Variants in GFRA1 observed in about 807,000 individuals in gnomAD.
GFRA1 encodes GDNF family receptor alpha 1.
In GFRA1, 16 loss-of-function variants were observed where a neutral mutation model predicts 51.6. That is an observed-to-expected ratio of 0.31 (90% CI 0.21 to 0.47). The LOEUF (loss-of-function observed/expected upper bound fraction) is 0.47, where lower values mean the gene tolerates loss of function less well. Among genes scored for constraint, GFRA1 ranks in the 20% least tolerant of loss-of-function variants. The pLI is 1.00. For synonymous variants in GFRA1, 270 were observed against 241.3 expected (o/e 1.12, Z -1.10); for missense variants, 530 against 594.3 (o/e 0.89, Z 1.13).
intron 5 of GFRA1, among the ~76,000 whole-genome samples, chr10:116,143,588 T>A (rs1318699949): frequency 1.3e-5 from 2 of 152,180 alleles, no homozygotes; most frequent in African/African-American, 4.8e-5. Context: ...GCTACCTGAA[T>A]GTTATTTAGA....
intron 5 of GFRA1, among the ~76,000 whole-genome samples, chr10:116,140,404 C>T (rs1163989970): frequency 6.6e-6 from 1 of 152,154 alleles, no homozygotes; most frequent in Non-Finnish European, 1.5e-5. Flanking sequence ...TGCAAGCCTT[C>T]AAGTACTGCA....
chr10:116,174,570 C>G (rs552314695), intron 5 of GFRA1, among the ~76,000 whole-genome samples: 1 of 152,278 alleles, frequency 6.6e-6, no homozygotes, highest in East Asian at 1.9e-4. Context: ...TCAGAATTCT[C>G]ACACTAATAG....
intron 4 of GFRA1, chr10:116,226,842 T>TTC: frequency 2.9e-6 from 1 of 342,202 alleles, no homozygotes; most frequent in South Asian, 2.4e-5. Context: ...AGGTATTAGA[T>TTC]TCTCATAAGG....
chr10:116,274,072 G>T (rs1338610850), upstream of GFRA1, among the ~76,000 whole-genome samples: 2 of 152,204 alleles, frequency 1.3e-5, no homozygotes, highest in African/African-American at 4.8e-5. Context: ...GCTGTTTCGA[G>T]AGTAAATTAA....
chr10:116,090,362 C>T (rs1398850218), intron 8 of GFRA1, among the ~76,000 whole-genome samples: 2 of 146,762 alleles, frequency 1.4e-5, no homozygotes, highest in East Asian at 4.1e-4. Flanking sequence ...AAAAAAAATC[C>T]TAATCATGAG....
At chr10:116,088,725 C>A (rs771296511) in intron 9 of GFRA1, among the ~76,000 whole-genome samples, 1 of 151,866 alleles carries the variant, frequency 6.6e-6, no homozygotes, top group Non-Finnish European at 1.5e-5. Flanking sequence ...TCGAGACCAT[C>A]CTGGCTAACA....
chr10:116,195,482 C>T (rs1450434423), intron 5 of GFRA1, among the ~76,000 whole-genome samples: 1 of 152,204 alleles, frequency 6.6e-6, no homozygotes, highest in Non-Finnish European at 1.5e-5. Context: ...AGACAATTCT[C>T]ATAAGGAGTG....
intron 5 of GFRA1, among the ~76,000 whole-genome samples, chr10:116,194,081 A>G (rs1453310090): frequency 6.7e-6 from 1 of 149,528 alleles, no homozygotes; most frequent in East Asian, 2.0e-4. Flanking sequence ...AAAAAAAAAA[A>G]AGGTGGCTCA....
intron 6 of GFRA1, among the ~76,000 whole-genome samples, chr10:116,113,784 T>C (rs1182160145): frequency 2.0e-5 from 3 of 152,244 alleles, no homozygotes; most frequent in South Asian, 4.2e-4. Flanking sequence ...TGGAAGTTGT[T>C]CAAGATCTCA....
chr10:116,146,848 T>C (rs1183800869), intron 5 of GFRA1, among the ~76,000 whole-genome samples: 1 of 152,210 alleles, frequency 6.6e-6, no homozygotes, highest in Admixed American at 6.5e-5. Context: ...TCTCTCACTT[T>C]TGCAAATTTT....
intron 5 of GFRA1, among the ~76,000 whole-genome samples, chr10:116,207,990 T>G (rs1964915040): frequency 6.6e-6 from 1 of 152,082 alleles, no homozygotes; most frequent in Non-Finnish European, 1.5e-5. Context: ...GAGTGGTTAT[T>G]TTTAAATGTG....
rs183381615 is a variant in GFRA1 at position 116,158,060 on chromosome 10, T to C, written c.434-32503A>G. ...GGTTAATCTCACTATCTAGTCCTAG[T>C]GGTACACGGCTTGTCATTCCTACTT... On this transcript the variant is annotated intron_variant, in intron 5 of 10. Coordinates refer to ENST00000355422, the MANE Select transcript of GFRA1 (RefSeq NM_005264.8). 1.5e-4 allele frequency among the ~76,000 whole-genome samples: 23 copies of C among 152,270 alleles called. No homozygotes were observed. The East Asian group carries it at 1.5e-3, about 10-fold the overall frequency.
intron 3 of GFRA1, 88 bp downstream of exon 3, chr10:116,270,734 G>T: frequency 9.3e-7 from 1 of 1,074,032 alleles, no homozygotes; most frequent in Non-Finnish European, 1.4e-6. Context: ...AGAAGTGAGT[G>T]GAGGATGAGA....
At chr10:116,157,909 A>G (rs1407297834) in intron 5 of GFRA1, among the ~76,000 whole-genome samples, 1 of 152,166 alleles carries the variant, frequency 6.6e-6, no homozygotes, top group East Asian at 1.9e-4. Flanking sequence ...AGCATCTCTT[A>G]GATGCTCTGA....
At chr10:116,257,426 G>A (rs1032429295) in intron 4 of GFRA1, among the ~76,000 whole-genome samples, 7 of 152,014 alleles carry the variant, frequency 4.6e-5, no homozygotes, top group Admixed American at 3.3e-4. Context: ...TTTGCCTTCC[G>A]AGCTTGTGCA....
intron 8 of GFRA1, among the ~76,000 whole-genome samples, chr10:116,092,096 TACACACACACACACACACAC>T (rs58442181): frequency 2.3e-4 from 32 of 138,208 alleles, no homozygotes; most frequent in African/African-American, 7.1e-4. Context: ...CATACATACG[TACACACACACACACACACAC>T]ACACACACAC....
chr10:116,150,089 G>A lies in GFRA1; in HGVS notation c.434-24532C>T, dbSNP rs560351578. On this transcript the variant is annotated intron_variant, in intron 5 of 10. Transcript: ENST00000355422. ...TCCTCCATTTTCAAAGCAAGGAAGT[G>A]GAGGCCCAGAAAGGCTAAGTGGTAG... Among the ~76,000 whole-genome samples, 11 of 152,220 alleles carry A rather than the reference G, an allele frequency of 7.2e-5. No homozygotes were observed. The South Asian group carries it at 2.3e-3, about 32-fold the overall frequency.
intron 4 of GFRA1, among the ~76,000 whole-genome samples, chr10:116,264,087 A>T (rs1361292839): frequency 6.6e-6 from 1 of 152,180 alleles, no homozygotes; most frequent in Non-Finnish European, 1.5e-5. Flanking sequence ...ACTCAGCTGG[A>T]AATGCTGGTT....
intron 6 of GFRA1, among the ~76,000 whole-genome samples, chr10:116,124,911 C>T (rs1388460773): frequency 1.3e-5 from 2 of 152,132 alleles, no homozygotes; most frequent in Non-Finnish European, 2.9e-5. Flanking sequence ...TTAAGGTCAC[C>T]TCACCCCAGG....
Sources: allele counts gnomAD v4.1 joint callset (sites outside exome capture counted in the v4.1 genomes callset), GRCh38; gene constraint gnomAD v4.1.1; transcripts MANE v1.5; gene names NCBI Gene and HGNC (gene_info 2026-07-23, HGNC 2026-07-21).